The following EXOC2 variants were observed in gnomAD, a reference collection of about 807,000 sequenced individuals.
The protein encoded by EXOC2 is exocyst complex component 2.
Under a neutral mutation model 131.8 loss-of-function variants are expected in EXOC2, and 70 were observed. The observed-to-expected ratio is 0.53, with a 90% CI of 0.44 to 0.65. EXOC2 has a LOEUF of 0.65. Ranked by LOEUF, EXOC2 falls within the 30% of genes least tolerant of loss-of-function variation. The probability of loss-of-function intolerance (pLI) is 0.00; values close to 1 mark genes in which losing one functional copy is unlikely to be tolerated. For missense variants in EXOC2, 923 were observed against 1,108.6 expected (o/e 0.83, Z 2.38); for synonymous variants, 411 against 398.4 (o/e 1.03, Z -0.38).
At chr6:534,431 GAC>G (rs2127543288) in intron 22 of EXOC2, among the ~76,000 whole-genome samples, 1 of 138,612 alleles carries the variant, frequency 7.2e-6, no homozygotes, top group Non-Finnish European at 1.5e-5. Flanking sequence ...ATGAGAGAGA[GAC>G]AGAGAGAGAG....
At chr6:555,803 T>A in intron 19 of EXOC2, 151 bp downstream of exon 19, 1 of 714,464 alleles carries the variant, frequency 1.4e-6, no homozygotes, top group Middle Eastern at 3.1e-4. Context: ...TAAACTTTGT[T>A]ACCCACTTAC....
chr6:631,336 G>A (rs541294523), intron 3 of EXOC2, among the ~76,000 whole-genome samples: 312 of 152,148 alleles, frequency 2.1e-3, no homozygotes, highest in African/African-American at 7.2e-3. Flanking sequence ...TCCGGAGTTC[G>A]AGACCAGCCT....
intron 1 of EXOC2, among the ~76,000 whole-genome samples, chr6:681,581 TA>T (rs1441099806): frequency 6.6e-6 from 1 of 152,246 alleles, no homozygotes; most frequent in East Asian, 1.9e-4. Context: ...GTTTTTCAAC[TA>T]TCCTTTAGTC....
chr6:656,485 C>T (rs1319907572), intron 1 of EXOC2: 1 of 1,609,196 alleles, frequency 6.2e-7, no homozygotes, highest in Non-Finnish European at 8.5e-7. Flanking sequence ...ATGCTCGCGT[C>T]GGAGGCGCGC....
intron 1 of EXOC2, among the ~76,000 whole-genome samples, chr6:662,535 T>G (rs764107053): frequency 3.9e-5 from 6 of 152,182 alleles, no homozygotes; most frequent in Non-Finnish European, 8.8e-5. Context: ...GGAAATTAAA[T>G]AACCTGCTCC....
chr6:524,423 T>C (rs1765637139), intron 23 of EXOC2: 1 of 152,158 alleles, frequency 6.6e-6, no homozygotes, highest in African/African-American at 2.4e-5. Flanking sequence ...AAGCCCTACT[T>C]AGTCATAATG....
intron 1 of EXOC2, among the ~76,000 whole-genome samples, chr6:650,925 A>C (rs1182583786): frequency 6.6e-6 from 1 of 152,224 alleles, no homozygotes; most frequent in Non-Finnish European, 1.5e-5. Context: ...CTAAAAAGGA[A>C]AAAATTTGGA....
intron 11 of EXOC2, among the ~76,000 whole-genome samples, chr6:586,053 T>C (rs2127616122): frequency 6.6e-6 from 1 of 152,304 alleles, no homozygotes; most frequent in African/African-American, 2.4e-5. Flanking sequence ...CCAGATAAAA[T>C]GTAGGCAGTC....
chr6:521,290 C>T (rs1343833363), intron 23 of EXOC2, among the ~76,000 whole-genome samples: 1 of 151,286 alleles, frequency 6.6e-6, no homozygotes, highest in East Asian at 1.9e-4. Flanking sequence ...CGAGCGCCGA[C>T]ACTCACCGTC....
At chr6:615,465 A>G (rs562485704) in intron 6 of EXOC2, among the ~76,000 whole-genome samples, 3 of 152,222 alleles carry the variant, frequency 2.0e-5, no homozygotes, top group Non-Finnish European at 4.4e-5. Context: ...CACCACAAGG[A>G]AGTCATCAGT....
chr6:526,565 C>T (rs1188367438), intron 23 of EXOC2, among the ~76,000 whole-genome samples: 2 of 151,294 alleles, frequency 1.3e-5, no homozygotes, highest in Admixed American at 6.6e-5. Context: ...CTCAACCTTC[C>T]GAGTAGCTGG....
At chr6:639,895 G>A (rs576089161) in intron 1 of EXOC2, among the ~76,000 whole-genome samples, 14 of 152,172 alleles carry the variant, frequency 9.2e-5, no homozygotes, top group Non-Finnish European at 1.8e-4. Context: ...CCAACAAACC[G>A]GTGAGGTCCA....
chr6:653,690 T>A (rs1391050907), intron 1 of EXOC2, among the ~76,000 whole-genome samples: 1 of 152,232 alleles, frequency 6.6e-6, no homozygotes. Flanking sequence ...TGCAGCAAGT[T>A]ATCCAGAAGA....
intron 1 of EXOC2, among the ~76,000 whole-genome samples, chr6:692,006 T>A (rs1764949696): frequency 6.6e-6 from 1 of 152,126 alleles, no homozygotes; most frequent in South Asian, 2.1e-4. Context: ...ATTAAAGGAG[T>A]CAGTTACACA....
chr6:535,770 G>T (rs181333441), intron 22 of EXOC2, among the ~76,000 whole-genome samples: 5 of 152,102 alleles, frequency 3.3e-5, no homozygotes, highest in Admixed American at 6.6e-5. Context: ...TAGAATAGAG[G>T]CTGAAAGCAT....
intron 7 of EXOC2, among the ~76,000 whole-genome samples, chr6:603,981 C>T (rs1249062715): frequency 6.6e-6 from 1 of 152,176 alleles, no homozygotes; most frequent in East Asian, 1.9e-4. Context: ...AGGTGTGATT[C>T]GAAAACCCTC....
At chr6:646,183 ATATTT>A (rs1181338426) in intron 1 of EXOC2, among the ~76,000 whole-genome samples, 2 of 152,160 alleles carry the variant, frequency 1.3e-5, no homozygotes, top group Non-Finnish European at 2.9e-5. Flanking sequence ...TATGGTACCA[ATATTT>A]TATTTCCTGA....
intron 25 of EXOC2, among the ~76,000 whole-genome samples, chr6:496,729 T>C (rs1763764973): frequency 6.6e-6 from 1 of 152,232 alleles, no homozygotes; most frequent in African/African-American, 2.4e-5. Context: ...AAAAATTTTA[T>C]TTTTTGATAT....
intron 13 of EXOC2, among the ~76,000 whole-genome samples, chr6:571,903 C>T (rs1758295571): frequency 1.3e-5 from 2 of 152,212 alleles, no homozygotes; most frequent in Admixed American, 1.3e-4. Context: ...TGACTGACTT[C>T]CATGTGCCAC....
Sources: allele counts gnomAD v4.1 joint callset (sites outside exome capture counted in the v4.1 genomes callset), GRCh38; gene constraint gnomAD v4.1.1; transcripts MANE v1.5; gene names NCBI Gene and HGNC (gene_info 2026-07-23, HGNC 2026-07-21).